The following BBS12 variants were observed in gnomAD, a reference collection of about 807,000 sequenced individuals.
BBS12 encodes the protein Bardet-Biedl syndrome 12, also known as chaperonin-containing T-complex member BBS12.
In BBS12, 5 loss-of-function variants were observed where a neutral mutation model predicts 5.6. The ratio of observed to expected loss-of-function variants is 0.89; its 90% CI spans 0.46 to 1.86. BBS12 has a LOEUF of 1.86. Ranked by LOEUF, BBS12 falls within the 40% of genes most tolerant of loss-of-function variation. The pLI, the probability that BBS12 is intolerant of heterozygous loss-of-function variation, is 0.01. For synonymous variants in BBS12, 308 were observed against 306.8 expected (o/e 1.00, Z -0.04); for missense variants, 748 against 830.4 (o/e 0.90, Z 1.22).
intron 1 of BBS12, among the ~76,000 whole-genome samples, chr4:122,733,376 AACACACACACACACACACAC>A (rs3034555): frequency 1.5e-4 from 13 of 88,178 alleles, no homozygotes; most frequent in South Asian, 4.2e-4. Context: ...CTCCAACCCC[AACACACACACACACACACAC>A]ACACACACAC....
At chr4:122,728,050 A>C (rs1030027636), upstream of BBS12, among the ~76,000 whole-genome samples, 1 of 152,206 alleles carries the variant, frequency 6.6e-6, no homozygotes. Flanking sequence ...GGGCATTTTC[A>C]TATAGTATTT....
chr4:122,722,373 G>T, the BBS12 span, among the ~76,000 whole-genome samples: 5 of 152,122 alleles, frequency 3.3e-5, no homozygotes, highest in Non-Finnish European at 7.3e-5. Flanking sequence ...CCTGTGCTTT[G>T]GTTGTGCATT....
the BBS12 span, among the ~76,000 whole-genome samples, chr4:122,702,495 G>A: frequency 6.6e-6 from 1 of 152,184 alleles, no homozygotes; most frequent in Non-Finnish European, 1.5e-5. Context: ...GCTGAAAAAT[G>A]AGAATTAGGG....
chr4:122,727,528 C>CATGTAAATTGG, the BBS12 span, among the ~76,000 whole-genome samples: 72 of 142,256 alleles, frequency 5.1e-4, no homozygotes, highest in Admixed American at 2.7e-3. Flanking sequence ...CAGGCATGAG[C>CATGTAAATTGG]CACCGCCCCT....
the BBS12 span, among the ~76,000 whole-genome samples, chr4:122,721,643 C>T: frequency 6.6e-6 from 1 of 152,178 alleles, no homozygotes; most frequent in Non-Finnish European, 1.5e-5. Context: ...GATGCTAGCT[C>T]TTGGCTGGAA....
chr4:122,721,834 T>TA, the BBS12 span, among the ~76,000 whole-genome samples: 1 of 152,144 alleles, frequency 6.6e-6, no homozygotes, highest in Non-Finnish European at 1.5e-5. Context: ...TTTTATTGGT[T>TA]AAAAGCAAGT....
At position 122,741,926 on chromosome 4, in the gene BBS12, A is replaced by C. The variant is rs1292291520; in HGVS notation, c.34A>C (p.Arg12=). 3.1e-6 allele frequency: 5 copies of C among 1,614,180 alleles called. No individual in the cohort carries two copies. Among genetic ancestry groups the C allele is most frequent in the Non-Finnish European group, 3.4e-6 (4 of 1,180,022 alleles). ...VMACRVVNKR[R]HMGLQQLSSF... is the part of the protein sequence containing the mutation. ...GGCTTGCAGAGTCGTAAACAAAAGA[A>C]GACACATGGGACTTCAACAACTTTC... Residue 12 remains arginine (R), a synonymous_variant, in exon 2 of 2, where the codon AGA becomes CGA. Transcript: ENST00000314218.
intron 1 of BBS12, among the ~76,000 whole-genome samples, chr4:122,737,730 C>T (rs746046202): frequency 9.2e-5 from 14 of 152,154 alleles, no homozygotes; most frequent in Non-Finnish European, 1.9e-4. Flanking sequence ...CTAAAACAAA[C>T]GGAAGAACAA....
chr4:122,741,375 C>T (rs561209981), intron 1 of BBS12, among the ~76,000 whole-genome samples: 27 of 152,224 alleles, frequency 1.8e-4, no homozygotes, highest in African/African-American at 6.3e-4. Context: ...TTAGTAGAGA[C>T]GAGGTTTCGC....
the BBS12 span, among the ~76,000 whole-genome samples, chr4:122,706,388 C>T: frequency 5.3e-5 from 8 of 152,128 alleles, no homozygotes; most frequent in Non-Finnish European, 1.2e-4. Flanking sequence ...TAAATCAATG[C>T]TTAATGTCTC....
the BBS12 span, among the ~76,000 whole-genome samples, chr4:122,716,835 A>G: frequency 2.0e-5 from 3 of 152,160 alleles, no homozygotes; most frequent in East Asian, 1.9e-4. Context: ...TTTCATTAAC[A>G]TAAGTGGTTA....
In BBS12 at chr4:122,743,422, A is replaced by T. The variant is rs1261261490; in HGVS notation, c.1530A>T (p.Ala510=). 1 of 1,614,086 alleles carries T rather than the reference A, an allele frequency of 6.2e-7. No individual in the cohort carries two copies. Among genetic ancestry groups the T allele is most frequent in the East Asian group, 2.2e-5 (1 of 44,884 alleles). ...VTAVLTNPVT[A]QMQIKEDRFW... is the part of the protein sequence containing the mutation. Reference sequence around the variant, plus strand: ...CCGTGCTCACTAACCCAGTTACTGCACAGATGCAAATCAAAGAAGATAGGT... The same window carrying T: ...CCGTGCTCACTAACCCAGTTACTGCTCAGATGCAAATCAAAGAAGATAGGT... The change falls in exon 2 of 2, where the codon GCA becomes GCT. Residue 510 remains alanine (A), a synonymous_variant. Coordinates refer to ENST00000314218, the MANE Select transcript of BBS12 (RefSeq NM_152618.3).
the BBS12 span, among the ~76,000 whole-genome samples, chr4:122,716,687 ATG>A: frequency 0.089 from 7,716 of 87,124 alleles, 892 homozygotes; most frequent in African/African-American, 0.33. Context: ...ATATACACAT[ATG>A]TGTATGTGTG....
chr4:122,742,044 G>C lies in BBS12; in HGVS notation c.152G>C (p.Ser51Thr), dbSNP rs762558855. The C allele has an allele frequency of 1.2e-5, 19 of 1,614,008 alleles. No homozygotes were observed. In the African/African-American group the frequency reaches 1.5e-4, roughly 12 times the overall value. The change falls in exon 2 of 2, where the codon AGT becomes ACT. Residue 51 changes from serine (S) to threonine (T), a missense_variant. Ser to Thr is a moderately conservative substitution (Grantham distance 58). Coordinates refer to ENST00000314218, the MANE Select transcript of BBS12 (RefSeq NM_152618.3). Reference protein sequence around the residue: ...DEECHESVLISSTVRLLESLD... With the variant: ...DEECHESVLITSTVRLLESLD... ...GAATGTCATGAAAGTGTATTAATCA[G>C]TTCAACAGTAAGGCTTCTTGAAAGT... is the stretch of plus-strand genomic sequence containing the variant.
the BBS12 span, among the ~76,000 whole-genome samples, chr4:122,712,205 C>T: frequency 6.6e-6 from 1 of 152,192 alleles, no homozygotes; most frequent in Admixed American, 6.5e-5. Context: ...TTTTCAGCCT[C>T]CATAATTGTG....
chr4:122,716,673 GTATA>G, the BBS12 span, among the ~76,000 whole-genome samples: 8 of 94,730 alleles, frequency 8.4e-5, no homozygotes, highest in East Asian at 8.3e-4. Flanking sequence ...ACACATATGT[GTATA>G]TATACACATA....
At chr4:122,722,530 C>T in the BBS12 span, among the ~76,000 whole-genome samples, 1 of 152,174 alleles carries the variant, frequency 6.6e-6, no homozygotes, top group Non-Finnish European at 1.5e-5. Context: ...AACCCATGAA[C>T]ATAATAGCTC....
chr4:122,711,875 G>A, the BBS12 span, among the ~76,000 whole-genome samples: 1 of 152,200 alleles, frequency 6.6e-6, no homozygotes, highest in Non-Finnish European at 1.5e-5. Flanking sequence ...ATTATTGTGT[G>A]AGTCTGAGTG....
In BBS12 at chr4:122,743,793, C is replaced by G. The variant is rs751126507; in HGVS notation, c.1901C>G (p.Ser634Cys). The G allele has an allele frequency of 2.5e-6, 4 of 1,613,702 alleles. No homozygotes were observed. The East Asian group carries it at 8.9e-5, about 36-fold the overall frequency. ...QNATDSGSPSSYILNEYSKLN... is the reference protein window; with the variant it reads ...QNATDSGSPSCYILNEYSKLN... Reference sequence around the variant, plus strand: ...GCCACAGACTCTGGCTCTCCTTCATCTTACATCTTGAATGAATATAGTAAA... The same window carrying G: ...GCCACAGACTCTGGCTCTCCTTCATGTTACATCTTGAATGAATATAGTAAA... The change falls in exon 2 of 2, where the codon TCT (serine) becomes TGT (cysteine). Residue 634 changes from serine to cysteine, a missense_variant. Physicochemically the swap from Ser to Cys is moderately radical, Grantham distance 112. Transcript: ENST00000314218.
Sources: allele counts gnomAD v4.1 joint callset (sites outside exome capture counted in the v4.1 genomes callset), GRCh38; gene constraint gnomAD v4.1.1; transcripts MANE v1.5; gene names NCBI Gene and HGNC (gene_info 2026-07-23, HGNC 2026-07-21).